TRRAP: variants seen among roughly 807,000 people sequenced by gnomAD.
The protein encoded by TRRAP is transformation/transcription domain-associated protein.
In TRRAP, 41 loss-of-function variants were observed where a neutral mutation model predicts 438.8. That is an observed-to-expected ratio of 0.09 (90% CI 0.07 to 0.12). The LOEUF (loss-of-function observed/expected upper bound fraction) is 0.12, where lower values mean the gene tolerates loss of function less well. TRRAP is among the 10% of genes least tolerant of loss of function. TRRAP has a pLI of 1.00. For missense variants in TRRAP, 3,122 were observed against 5,055.1 expected (o/e 0.62, Z 11.60); for synonymous variants, 1,994 against 1,962.9 (o/e 1.02, Z -0.42).
At chr7:98,898,061 A>G (rs1326168700) in intron 8 of TRRAP, among the ~76,000 whole-genome samples, 195 bp downstream of exon 8, 7 of 152,192 alleles carry the variant, frequency 4.6e-5, no homozygotes, top group Non-Finnish European at 1.0e-4. Context: ...ATGCCAGGCT[A>G]GAAAGATAAG....
In TRRAP at chr7:98,890,761, C is replaced by T. The variant is rs1285881555; in HGVS notation, c.261+316C>T. Among the ~76,000 whole-genome samples, 14 of 145,130 alleles carry T rather than the reference C, an allele frequency of 9.6e-5. 1 individual carries two copies. Among genetic ancestry groups the T allele is most frequent in the Non-Finnish European group, 1.5e-4 (10 of 66,522 alleles). ...TACCTATTGCCTAGCTCCAATCTTACTGTCTTATTAATGTCAGTTCTTTTT... is the reference window on the plus strand; with the variant it reads ...TACCTATTGCCTAGCTCCAATCTTATTGTCTTATTAATGTCAGTTCTTTTT... On this transcript the variant is annotated intron_variant, in intron 4 of 72. Coordinates refer to ENST00000456197, the MANE Select transcript of TRRAP (RefSeq NM_001375524.1).
chr7:98,950,740 C>T, intron 38 of TRRAP, 136 bp from the exon 39 acceptor site: 11 of 1,047,844 alleles, frequency 1.0e-5, no homozygotes, highest in Non-Finnish European at 1.2e-5. Flanking sequence ...GCATAGGAGT[C>T]AAGGTTGGTA....
rs1794408493 is a variant in TRRAP at position 99,011,170 on chromosome 7, T to C, written c.11057T>C (p.Phe3686Ser). The change falls in exon 71 of 73, where the codon TTC becomes TCC. Residue 3686 changes from phenylalanine to serine, a missense_variant. By Grantham distance (155) the Phe-to-Ser change is radical. Transcript: ENST00000456197. This position sits in a 1 kb window ranked among gnomAD's most constrained non-coding sequence, Gnocchi z 7.1. ...ATDYWTFRKM[F>S]TIQLALIGFA... Reference sequence around the variant, plus strand: ...GACTACTGGACGTTCCGGAAGATGTTCACCATCCAGCTGGCTCTGATAGGC... The same window carrying C: ...GACTACTGGACGTTCCGGAAGATGTCCACCATCCAGCTGGCTCTGATAGGC... 3 of 1,614,040 alleles carry C rather than the reference T, an allele frequency of 1.9e-6. No homozygotes were observed.
At position 98,897,877 on chromosome 7, in the gene TRRAP, C is replaced by T. The variant is rs191535614; in HGVS notation, c.633+11C>T. ...AGTGAGACTCGAACAGTAAGTGTTT[C>T]GCTGAGTTATTTCTACCCGTGGCTC... On this transcript the variant is annotated intron_variant, in intron 8 of 72. Coordinates refer to ENST00000456197, the MANE Select transcript of TRRAP (RefSeq NM_001375524.1). The T allele has an allele frequency of 1.4e-4, 221 of 1,613,548 alleles. No individual in the cohort carries two copies. In the African/African-American group the frequency reaches 2.1e-3, roughly 16 times the overall value.
chr7:98,930,848 CCAAA>C lies in TRRAP; in HGVS notation c.3591+20_3591+23del. The C allele has an allele frequency of 1.2e-6, 2 of 1,613,614 alleles. No homozygotes were observed. The highest frequency in any genetic ancestry group is 4.5e-5 in the East Asian group (2 of 44,854). ...CTGGAGAGGTAGGTGATGGGTGGCC[CCAAA>C]CCTAACCATGCTGTTTTTGAAATGG... On this transcript the variant is annotated intron_variant, in intron 25 of 72. Transcript: ENST00000456197.
In TRRAP at chr7:98,881,075, T is replaced by C; in HGVS notation, c.-61-15T>C. The C allele has an allele frequency of 7.7e-7, 1 of 1,294,358 alleles. No homozygotes were observed. Among genetic ancestry groups the C allele is most frequent in the Non-Finnish European group, 1.1e-6 (1 of 931,596 alleles). The allele number at this position is 1,294,358 out of a possible 1,614,324, so 80.2% of individuals were successfully genotyped here. A position where few individuals can be genotyped will look rare whatever the true frequency, so the allele number is the denominator to read the frequency against. On this transcript the variant is annotated splice_polypyrimidine_tract_variant and intron_variant, in intron 1 of 72. Transcript: ENST00000456197. The stretch of plus-strand genomic sequence containing the variant: ...GCCCTCCATAAATTGACTAACTCTA[T>C]GCTTCTTTTCATAGGCTGGTTGAAC...
chr7:98,890,296 C>T, intron 3 of TRRAP, 39 bp from the exon 4 acceptor site: 6 of 1,328,314 alleles, frequency 4.5e-6, no homozygotes, highest in Non-Finnish European at 6.1e-6. Flanking sequence ...AAAATACATA[C>T]ACATAACTGA....
chr7:98,974,682 T>C (rs1480569178), intron 53 of TRRAP, among the ~76,000 whole-genome samples: 1 of 152,160 alleles, frequency 6.6e-6, no homozygotes, highest in Non-Finnish European at 1.5e-5. Context: ...CCCGAAAATA[T>C]AATGCTGGAA....
At chr7:98,889,312 T>C (rs1795856935) in intron 3 of TRRAP, among the ~76,000 whole-genome samples, 1 of 152,168 alleles carries the variant, frequency 6.6e-6, no homozygotes, top group African/African-American at 2.4e-5. Flanking sequence ...GACATGTAAG[T>C]GCTCTGTAAA....
At position 98,900,703 on chromosome 7, in the gene TRRAP, A is replaced by C; in HGVS notation, c.880A>C (p.Ile294Leu). Residue 294 changes from isoleucine to leucine, a missense_variant, in exon 11 of 73, where the codon ATT becomes CTT. Physicochemically the swap from Ile to Leu is conservative, Grantham distance 5. This residue lies in a region of TRRAP where 343 missense variants were observed against 564.0 expected (regional missense o/e 0.61). Coordinates refer to ENST00000456197, the MANE Select transcript of TRRAP (RefSeq NM_001375524.1). ...QIKTLSFLAY[I>L]IRIYQELVTK... ...TAAAACATTGTCATTTTTAGCTTAC[A>C]TTATCAGGATTTACCAGGTAAGGTC... 1 of 1,613,302 alleles carries C rather than the reference A, an allele frequency of 6.2e-7. No homozygotes were observed. The highest frequency in any genetic ancestry group is 8.5e-7 in the Non-Finnish European group (1 of 1,179,874).
intron 43 of TRRAP, among the ~76,000 whole-genome samples, chr7:98,957,022 C>T (rs1791650789): frequency 6.6e-6 from 1 of 152,122 alleles, no homozygotes; most frequent in Non-Finnish European, 1.5e-5. Flanking sequence ...GCTTCGTAGG[C>T]CTGAGGCTGA....
intron 53 of TRRAP, among the ~76,000 whole-genome samples, chr7:98,973,965 G>A (rs73155659): frequency 0.027 from 4,166 of 152,156 alleles, 83 homozygotes; most frequent in South Asian, 0.054. Flanking sequence ...CATTTTCCTC[G>A]TTCACCTTTT....
At chr7:98,899,580 A>G in intron 9 of TRRAP, 81 bp downstream of exon 9, 1 of 1,598,374 alleles carries the variant, frequency 6.3e-7, no homozygotes, top group South Asian at 1.1e-5. Context: ...GATGTGTATA[A>G]TACACACATG....
intron 62 of TRRAP, among the ~76,000 whole-genome samples, chr7:98,986,190 T>C (rs1351024317): frequency 1.3e-5 from 2 of 152,202 alleles, no homozygotes; most frequent in African/African-American, 4.8e-5. Flanking sequence ...CATGCAGCAG[T>C]TGATGGATGT....
rs1791935920 is a variant in TRRAP, at chr7:98,962,340, T to G, written c.6742T>G (p.Cys2248Gly). ...SVASKYEELECLYAAVGKVIY... is the reference protein window; with the variant it reads ...SVASKYEELEGLYAAVGKVIY... ...GGCCTCCAAATATGAAGAGCTGGAGTGCCTCTACGCAGCCGTCGGAAAGGT... is the reference window on the plus strand; with the variant it reads ...GGCCTCCAAATATGAAGAGCTGGAGGGCCTCTACGCAGCCGTCGGAAAGGT... The change falls in exon 47 of 73, where the codon TGC (cysteine) becomes GGC (glycine). Residue 2248 changes from cysteine to glycine, a missense_variant. Physicochemically the swap from Cys to Gly is radical, Grantham distance 159 (BLOSUM62 -3). This residue lies in a region of TRRAP where 992 missense variants were observed against 1,281.2 expected (regional missense o/e 0.77). Coordinates refer to ENST00000456197, the MANE Select transcript of TRRAP (RefSeq NM_001375524.1). 2 of 1,613,982 alleles carry G rather than the reference T, an allele frequency of 1.2e-6. No homozygotes were observed. Among genetic ancestry groups the G allele is most frequent in the South Asian group, 2.2e-5 (2 of 91,064 alleles).
chr7:98,995,803 A>G (rs1389002707), intron 67 of TRRAP, among the ~76,000 whole-genome samples: 1 of 150,234 alleles, frequency 6.7e-6, no homozygotes, highest in Non-Finnish European at 1.5e-5. Context: ...TGTCCCATCT[A>G]CACACCCGCG....
In TRRAP at chr7:98,990,482, G is replaced by A; in HGVS notation, c.9619G>A (p.Asp3207Asn). 6.2e-7 allele frequency: 1 copy of A among 1,613,482 alleles called. No individual in the cohort carries two copies. The highest frequency in any genetic ancestry group is 8.5e-7 in the Non-Finnish European group (1 of 1,179,436). The change falls in exon 64 of 73, where the codon GAC becomes AAC. Residue 3207 changes from aspartate (D) to asparagine (N), a missense_variant. Asp to Asn is a conservative substitution (Grantham distance 23). Coordinates refer to ENST00000456197, the MANE Select transcript of TRRAP (RefSeq NM_001375524.1). ...GCTGTGGCTTTTGAGTTTTGATGAT[G>A]ACAAAAACACTTTGGCAGATGCCGT... is the stretch of plus-strand genomic sequence containing the variant. ...KVLWLLSFDD[D>N]KNTLADAVDK...
chr7:99,011,655 G>A lies in TRRAP; in HGVS notation c.11337+120G>A. The A allele has an allele frequency of 2.6e-6, 3 of 1,153,294 alleles. No individual in the cohort carries two copies. Among genetic ancestry groups the A allele is most frequent in the Non-Finnish European group, 3.6e-6 (3 of 829,872 alleles). The allele number at this position is 1,153,294 out of a possible 1,614,324, so 71.4% of individuals were successfully genotyped here. Reference sequence around the variant, plus strand: ...GGCTCTGCGCTCTCCACAGTGGCCAGCACCCCTGTGTGTTATGTCCTTTGC... The same window carrying A: ...GGCTCTGCGCTCTCCACAGTGGCCAACACCCCTGTGTGTTATGTCCTTTGC... On this transcript the variant is annotated intron_variant, in intron 72 of 72. Coordinates refer to ENST00000456197, the MANE Select transcript of TRRAP (RefSeq NM_001375524.1). The surrounding 1 kb of genome is among the most constrained non-coding windows in gnomAD (Gnocchi z 7.1).
chr7:98,935,606 T>G lies in TRRAP; in HGVS notation c.4042T>G (p.Ser1348Ala), dbSNP rs782442835. 2.6e-5 allele frequency: 42 copies of G among 1,602,888 alleles called. No individual in the cohort carries two copies. The highest frequency in any genetic ancestry group is 3.4e-5 in the Non-Finnish European group (40 of 1,170,576). Residue 1348 changes from serine to alanine, a missense_variant, in exon 28 of 73, where the codon TCA becomes GCA. Coordinates refer to ENST00000456197, the MANE Select transcript of TRRAP (RefSeq NM_001375524.1). ...ELLNLCEAED[S>A]ALTKLPCYKS... ...GTTGAATTTGTGTGAGGCTGAAGATTCAGCTTTAACAAAGCTGCCCTGTTA... is the reference window on the plus strand; with the variant it reads ...GTTGAATTTGTGTGAGGCTGAAGATGCAGCTTTAACAAAGCTGCCCTGTTA...
Sources: gnomAD v4.1 joint callset for allele counts (sites outside exome capture counted in the v4.1 genomes callset) on GRCh38, gnomAD v4.1.1 for gene constraint, gnomAD v4.1.1 regional missense constraint, Gnocchi (gnomAD v3.1) non-coding constraint, MANE v1.5 for transcripts, NCBI Gene and HGNC (gene_info 2026-07-23, HGNC 2026-07-21) for gene names.